Variants in ANKRD44 observed in about 807,000 individuals in gnomAD.
The protein encoded by ANKRD44 is ankyrin repeat domain 44, also known as serine/threonine-protein phosphatase 6 regulatory ankyrin repeat subunit B.
ANKRD44 carries 35 observed loss-of-function variants against 116.0 expected under a neutral mutation model. The ratio of observed to expected loss-of-function variants is 0.30; its 90% CI spans 0.23 to 0.40. ANKRD44 has a LOEUF of 0.40. Among genes scored for constraint, ANKRD44 ranks in the 10% least tolerant of loss-of-function variants. ANKRD44 has a pLI of 1.00. For synonymous variants in ANKRD44, 435 were observed against 461.8 expected (o/e 0.94, Z 0.74); for missense variants, 1,014 against 1,242.6 (o/e 0.82, Z 2.77).
intron 16 of ANKRD44, among the ~76,000 whole-genome samples, chr2:197,062,892 G>A (rs2077347165): frequency 6.6e-6 from 1 of 152,226 alleles, no homozygotes; most frequent in Admixed American, 6.5e-5. Flanking sequence ...ACCTCTGGGG[G>A]CAGGGCAAAG....
chr2:197,063,167 C>G (rs2077354550), intron 16 of ANKRD44, among the ~76,000 whole-genome samples: 2 of 152,112 alleles, frequency 1.3e-5, no homozygotes, highest in Admixed American at 6.6e-5. Context: ...CAGCAATATT[C>G]ACTGTTCTGC....
intron 8 of ANKRD44, among the ~76,000 whole-genome samples, chr2:197,119,186 G>C (rs2078794338): frequency 6.6e-6 from 1 of 151,638 alleles, no homozygotes; most frequent in Non-Finnish European, 1.5e-5. Flanking sequence ...CTTTTTTGTA[G>C]TCATATATAT....
chr2:197,064,462 A>G (rs899727735), intron 16 of ANKRD44, among the ~76,000 whole-genome samples: 31 of 152,242 alleles, frequency 2.0e-4, no homozygotes, highest in Non-Finnish European at 2.5e-4. Flanking sequence ...TATTAAGCTT[A>G]AACGTAAATG....
At chr2:197,255,405 T>C (rs1204991378) in intron 1 of ANKRD44, among the ~76,000 whole-genome samples, 1 of 152,220 alleles carries the variant, frequency 6.6e-6, no homozygotes, top group African/African-American at 2.4e-5. Flanking sequence ...TGGGGCCTTA[T>C]TCACCAAGAG....
chr2:197,242,864 G>A (rs1449731581), intron 1 of ANKRD44, among the ~76,000 whole-genome samples: 1 of 152,196 alleles, frequency 6.6e-6, no homozygotes, highest in Admixed American at 6.5e-5. Flanking sequence ...AATTAAGTCA[G>A]GAAAAGCTCA....
intron 18 of ANKRD44, among the ~76,000 whole-genome samples, chr2:197,009,388 C>A (rs888511517): frequency 6.9e-6 from 1 of 145,754 alleles, no homozygotes; most frequent in African/African-American, 2.6e-5. Context: ...CACCAAGTGA[C>A]CTTCTGAGAC....
At chr2:197,224,829 A>G (rs2081665520) in intron 1 of ANKRD44, among the ~76,000 whole-genome samples, 2 of 152,244 alleles carry the variant, frequency 1.3e-5, no homozygotes, top group African/African-American at 4.8e-5. Flanking sequence ...ATATCTGTGT[A>G]TACCTGACAC....
chr2:197,290,967 G>T (rs2083550793), intron 1 of ANKRD44, among the ~76,000 whole-genome samples: 1 of 152,186 alleles, frequency 6.6e-6, no homozygotes, highest in East Asian at 1.9e-4. Flanking sequence ...CCAACACTTT[G>T]GGAGGCCAAG....
rs547821194 is a variant in ANKRD44, at chr2:197,102,949, G to A, written c.986-3019C>T. Among the ~76,000 whole-genome samples, 9 of 152,094 alleles carry A rather than the reference G, an allele frequency of 5.9e-5. No homozygotes were observed. In the South Asian group the frequency reaches 1.2e-3, roughly 21 times the overall value. On this transcript the variant is annotated intron_variant, in intron 9 of 27. Coordinates refer to ENST00000282272, the MANE Select transcript of ANKRD44 (RefSeq NM_001195144.2). ...CCCTGTCAAAAAAATTTGGGGGGTG[G>A]CGGGGCGTGGTGGCTCATGCCTGTA...
At chr2:197,122,328 G>A (rs2125326788) in intron 7 of ANKRD44, among the ~76,000 whole-genome samples, 1 of 152,260 alleles carries the variant, frequency 6.6e-6, no homozygotes, top group South Asian at 2.1e-4. Context: ...TGTAAGTCAT[G>A]ACTTAGAAGG....
At chr2:197,274,233 T>C (rs1020791187) in intron 1 of ANKRD44, among the ~76,000 whole-genome samples, 4 of 151,906 alleles carry the variant, frequency 2.6e-5, no homozygotes, top group African/African-American at 9.7e-5. Context: ...GGGAAGTTAG[T>C]GAAAATTCTC....
chr2:196,978,564 T>C (rs1447942506), intron 21 of ANKRD44, among the ~76,000 whole-genome samples: 1 of 152,092 alleles, frequency 6.6e-6, no homozygotes, highest in African/African-American at 2.4e-5. Flanking sequence ...ATTGGCAAAT[T>C]CATAGAAACA....
chr2:197,133,724 C>A (rs1328200631), intron 4 of ANKRD44, among the ~76,000 whole-genome samples: 1 of 152,114 alleles, frequency 6.6e-6, no homozygotes, highest in Non-Finnish European at 1.5e-5. Flanking sequence ...CAAACCTTCT[C>A]TTTTCTTCCC....
intron 13 of ANKRD44, among the ~76,000 whole-genome samples, chr2:197,085,833 C>T (rs372697282): frequency 9.2e-5 from 14 of 152,106 alleles, no homozygotes; most frequent in African/African-American, 2.7e-4. Context: ...TCTATGGACT[C>T]GCCCTGAATT....
chr2:197,272,385 G>A (rs944695432), intron 1 of ANKRD44, among the ~76,000 whole-genome samples: 3 of 152,064 alleles, frequency 2.0e-5, no homozygotes, highest in Admixed American at 6.6e-5. Flanking sequence ...CTACAGGCAC[G>A]TGCCACCACG....
chr2:197,096,718 A>G (rs2078169033), intron 10 of ANKRD44, among the ~76,000 whole-genome samples: 2 of 152,198 alleles, frequency 1.3e-5, no homozygotes, highest in African/African-American at 2.4e-5. Context: ...TCACTTATCT[A>G]TGAAAGGCCT....
chr2:197,276,317 G>A (rs2083083690), intron 1 of ANKRD44, among the ~76,000 whole-genome samples: 1 of 147,398 alleles, frequency 6.8e-6, no homozygotes, highest in Admixed American at 6.8e-5. Flanking sequence ...AAAGAACTTT[G>A]CTAAGAGTTT....
chr2:197,040,945 CTTA>C (rs2076899315), intron 16 of ANKRD44, among the ~76,000 whole-genome samples: 1 of 152,208 alleles, frequency 6.6e-6, no homozygotes, highest in East Asian at 1.9e-4. Context: ...TCACTCTTCT[CTTA>C]TTATGACAGT....
chr2:197,052,942 G>A (rs1482256368), intron 16 of ANKRD44, among the ~76,000 whole-genome samples: 2 of 152,030 alleles, frequency 1.3e-5, no homozygotes, highest in Non-Finnish European at 2.9e-5. Flanking sequence ...GGCCAAGGTG[G>A]GCAGATCACC....
Sources: allele counts gnomAD v4.1 joint callset (sites outside exome capture counted in the v4.1 genomes callset), GRCh38; gene constraint gnomAD v4.1.1; transcripts MANE v1.5; gene names NCBI Gene and HGNC (gene_info 2026-07-23, HGNC 2026-07-21).